HIVEP3: variants seen among roughly 807,000 people sequenced by gnomAD.
The protein encoded by HIVEP3 is transcription factor HIVEP3.
A neutral mutation model predicts 152.8 loss-of-function variants in HIVEP3; 49 were observed. That is an observed-to-expected ratio of 0.32 (90% CI 0.26 to 0.41). The LOEUF (loss-of-function observed/expected upper bound fraction) is 0.41. HIVEP3 is among the 10% of genes least tolerant of loss of function. HIVEP3 has a pLI of 1.00. For synonymous variants in HIVEP3, 1,269 were observed against 1,289.0 expected, an observed-to-expected ratio of 0.98 and a Z score of 0.33; for missense variants, 2,790 against 3,103.3, an observed-to-expected ratio of 0.90 and a Z score of 2.40.
chr1:41,932,841 T>C (rs547643489), intron 1 of HIVEP3, among the ~76,000 whole-genome samples: 2 of 152,008 alleles, frequency 1.3e-5, no homozygotes, highest in Admixed American at 1.3e-4. Flanking sequence ...TACACTACTT[T>C]AGCTTCATTT....
intron 1 of HIVEP3, among the ~76,000 whole-genome samples, chr1:41,757,980 G>A (rs978683131): frequency 3.3e-5 from 5 of 152,300 alleles, no homozygotes; most frequent in African/African-American, 9.6e-5. Context: ...CCAAAGTGCT[G>A]AGATTACAGG....
intron 1 of HIVEP3, among the ~76,000 whole-genome samples, chr1:41,740,332 A>G (rs368633631): frequency 6.6e-6 from 1 of 152,228 alleles, no homozygotes; most frequent in African/African-American, 2.4e-5. Context: ...AGAGTGGATG[A>G]GTTAATGTAG....
At chr1:41,641,926 C>T (rs1190395681) in intron 2 of HIVEP3, among the ~76,000 whole-genome samples, 1 of 152,250 alleles carries the variant, frequency 6.6e-6, no homozygotes, top group Non-Finnish European at 1.5e-5. Context: ...ATTGACATGA[C>T]ATCTCCGGGC....
chr1:41,801,501 AC>A (rs1650299861), intron 1 of HIVEP3, among the ~76,000 whole-genome samples: 1 of 152,242 alleles, frequency 6.6e-6, no homozygotes, highest in South Asian at 2.1e-4. Flanking sequence ...TAAGACTCTT[AC>A]AAGAAATTAC....
rs1276415201 is a variant in HIVEP3 at position 41,581,916 on chromosome 1, C to A, written c.2882G>T (p.Ser961Ile). ...RDDHGKAEAPSPSSDMRPKPL... is the reference protein window; with the variant it reads ...RDDHGKAEAPIPSSDMRPKPL... ...TTTGGGGCGCATGTCAGATGAGGGA[C>A]TGGGGGCCTCGGCTTTCCCATGGTC... Residue 961 changes from serine to isoleucine, a missense_variant, in exon 4 of 9, where the codon AGT (serine) becomes ATT (isoleucine). By Grantham distance (142) the Ser-to-Ile change is moderately radical (BLOSUM62 -2). Around this residue, in one of 9 missense-constraint regions of HIVEP3, gnomAD observed 1,078 missense variants for 1,165.3 expected, o/e 0.93. Transcript: ENST00000372583. This position sits in a 1 kb window ranked among gnomAD's most constrained non-coding sequence, Gnocchi z 4.5. 6.2e-7 allele frequency: 1 copy of A among 1,614,102 alleles called. No individual in the cohort carries two copies. The highest frequency in any genetic ancestry group is 1.3e-5 in the African/African-American group (1 of 75,028).
chr1:41,822,526 C>T (rs1429411612), intron 1 of HIVEP3, among the ~76,000 whole-genome samples: 2 of 152,158 alleles, frequency 1.3e-5, no homozygotes, highest in Admixed American at 1.3e-4. Context: ...TTTTTCCCAT[C>T]CTTTTCACAG....
At chr1:41,626,402 G>A (rs1179401164) in intron 3 of HIVEP3, among the ~76,000 whole-genome samples, 1 of 152,212 alleles carries the variant, frequency 6.6e-6, no homozygotes, top group African/African-American at 2.4e-5. Context: ...CGCTGGAACT[G>A]ACAGCTCATT....
In HIVEP3 at chr1:42,027,714, C is replaced by T. The variant is rs929484853; in HGVS notation, n.119+8093G>A. 3.4e-4 allele frequency among the ~76,000 whole-genome samples: 52 copies of T among 152,170 alleles called. 1 individual carries two copies. Among genetic ancestry groups the T allele is most frequent in the Admixed American group, 3.3e-4 (5 of 15,282 alleles). The stretch of plus-strand genomic sequence containing the variant: ...AGAGGTTTAACTGGACTTACAGTTC[C>T]GCATGGCTGGGGAGGCCTCAAAATC... On this transcript the variant is annotated intron_variant and non_coding_transcript_variant, in intron 1 of 3. Transcript: ENST00000489103.
intron 1 of HIVEP3, among the ~76,000 whole-genome samples, chr1:41,801,655 G>A (rs943373902): frequency 2.6e-5 from 4 of 152,050 alleles, no homozygotes; most frequent in Non-Finnish European, 4.4e-5. Context: ...TGAGGCAGGA[G>A]AATGTGTGAA....
chr1:42,014,117 G>A (rs1433247074), intron 1 of HIVEP3, among the ~76,000 whole-genome samples: 1 of 152,190 alleles, frequency 6.6e-6, no homozygotes, highest in South Asian at 2.1e-4. Flanking sequence ...TTTCAGCAGA[G>A]AAAGATCTTC....
chr1:41,712,095 A>C (rs1646522173), intron 1 of HIVEP3, among the ~76,000 whole-genome samples: 1 of 152,204 alleles, frequency 6.6e-6, no homozygotes, highest in South Asian at 2.1e-4. Context: ...TCCGGGGAGG[A>C]GAGCACTTTA....
At chr1:41,740,645 G>T (rs1646983278) in intron 1 of HIVEP3, among the ~76,000 whole-genome samples, 1 of 152,212 alleles carries the variant, frequency 6.6e-6, no homozygotes, top group African/African-American at 2.4e-5. Context: ...ACAGGCCCTG[G>T]CTAGGAGCTC....
intron 1 of HIVEP3, among the ~76,000 whole-genome samples, chr1:41,809,500 TTC>T (rs1296916309): frequency 3.9e-5 from 6 of 152,228 alleles, no homozygotes; most frequent in African/African-American, 1.4e-4. Context: ...GCAAATTGTT[TTC>T]TCTCTCTGTC....
chr1:41,565,882 G>GTAT (rs1644155406), intron 5 of HIVEP3, among the ~76,000 whole-genome samples: 1 of 152,226 alleles, frequency 6.6e-6, no homozygotes, highest in Non-Finnish European at 1.5e-5. Context: ...AGCTCTGGAA[G>GTAT]GCTCTGGGTC....
intron 1 of HIVEP3, among the ~76,000 whole-genome samples, chr1:41,870,538 C>G (rs1004803782): frequency 1.3e-5 from 2 of 152,194 alleles, no homozygotes; most frequent in Admixed American, 1.3e-4. Context: ...GGTGAACGTA[C>G]AAATGAATGA....
At chr1:41,780,511 T>C (rs1648980080) in intron 1 of HIVEP3, among the ~76,000 whole-genome samples, 1 of 151,958 alleles carries the variant, frequency 6.6e-6, no homozygotes, top group Admixed American at 6.5e-5. Flanking sequence ...GCTCCTTGCC[T>C]GTCTTAAAGT....
chr1:41,744,058 G>A (rs1247201988), intron 1 of HIVEP3, among the ~76,000 whole-genome samples: 1 of 140,324 alleles, frequency 7.1e-6, no homozygotes. Context: ...TTTTTTTTTT[G>A]AGACGGAGTC....
intron 2 of HIVEP3, among the ~76,000 whole-genome samples, chr1:41,644,688 C>G (rs1405376315): frequency 1.0e-5 from 1 of 100,060 alleles, no homozygotes; most frequent in Non-Finnish European, 2.0e-5. Flanking sequence ...ACTTGCATAT[C>G]TGTTCTTTTT....
intron 1 of HIVEP3, among the ~76,000 whole-genome samples, chr1:41,895,688 G>A (rs1557496219): frequency 6.6e-6 from 1 of 152,212 alleles, no homozygotes; most frequent in Non-Finnish European, 1.5e-5. Flanking sequence ...AAGGAGAGGA[G>A]TAGAAGGCAA....
Sources: gnomAD v4.1 joint callset for allele counts (sites outside exome capture counted in the v4.1 genomes callset) on GRCh38, gnomAD v4.1.1 for gene constraint, gnomAD v4.1.1 regional missense constraint, Gnocchi (gnomAD v3.1) non-coding constraint, MANE v1.5 for transcripts, NCBI Gene and HGNC (gene_info 2026-07-23, HGNC 2026-07-21) for gene names.